The following TRAPPC9 variants were observed in gnomAD, a reference collection of about 807,000 sequenced individuals.
TRAPPC9 encodes the protein IKK2 binding protein.
TRAPPC9 carries 83 observed loss-of-function variants against 124.0 expected under a neutral mutation model. The ratio of observed to expected loss-of-function variants is 0.67; its 90% CI spans 0.56 to 0.80. TRAPPC9 has a LOEUF of 0.80. Ranked by LOEUF, TRAPPC9 falls within the 30% of genes least tolerant of loss-of-function variation. The pLI is 0.00. For synonymous variants in TRAPPC9, 638 were observed against 617.5 expected, an observed-to-expected ratio of 1.03 and a Z score of -0.49; for missense variants, 1,302 against 1,508.3, an observed-to-expected ratio of 0.86 and a Z score of 2.27.
At chr8:139,871,789 G>A (rs1220774778) in intron 21 of TRAPPC9, among the ~76,000 whole-genome samples, 2 of 152,172 alleles carry the variant, frequency 1.3e-5, no homozygotes, top group Non-Finnish European at 1.5e-5. Context: ...GTGAATGGAC[G>A]AATATGTGGG....
intron 21 of TRAPPC9, among the ~76,000 whole-genome samples, chr8:139,885,389 C>T (rs1829936608): frequency 1.3e-5 from 2 of 152,162 alleles, no homozygotes; most frequent in South Asian, 4.1e-4. Flanking sequence ...AAACAATTTT[C>T]CACACAGACA....
chr8:140,264,467 T>C (rs1323207054), intron 15 of TRAPPC9, among the ~76,000 whole-genome samples: 1 of 151,952 alleles, frequency 6.6e-6, no homozygotes, highest in African/African-American at 2.4e-5. Context: ...AATGAAAGTA[T>C]ACCTTTATTC....
rs1317758895 is a variant in TRAPPC9, at chr8:140,451,118, A to G, written c.256T>C (p.Cys86Arg). ...KVVGLITITD[C>R]FSAKDWPQTF... is the part of the protein sequence containing the mutation. ...TGTGGCCAGTCCTTGGCCGAGAAGC[A>G]GTCTGTGATGGTGATGAGGCCCACG... Residue 86 changes from cysteine (C) to arginine (R), a missense_variant, in exon 2 of 23, where the codon TGC becomes CGC. By Grantham distance (180) the Cys-to-Arg change is radical (BLOSUM62 -3). Around this residue, in one of 3 missense-constraint regions of TRAPPC9, gnomAD observed 657 missense variants for 811.2 expected, o/e 0.81. Transcript: ENST00000438773. 6.2e-7 allele frequency: 1 copy of G among 1,614,022 alleles called. No homozygotes were observed. Among genetic ancestry groups the G allele is most frequent in the Non-Finnish European group, 8.5e-7 (1 of 1,179,982 alleles).
chr8:140,336,082 C>T (rs2067030416), intron 9 of TRAPPC9, among the ~76,000 whole-genome samples: 1 of 151,620 alleles, frequency 6.6e-6, no homozygotes, highest in South Asian at 2.1e-4. Context: ...TTTTTTTTCA[C>T]AACTCAAATT....
chr8:140,282,184 C>T (rs1304145001), intron 14 of TRAPPC9, among the ~76,000 whole-genome samples: 1 of 152,090 alleles, frequency 6.6e-6, no homozygotes, highest in African/African-American at 2.4e-5. Context: ...AAAGGATATC[C>T]ATTAAGTGTT....
chr8:140,226,281 T>C (rs2063449083), intron 16 of TRAPPC9, among the ~76,000 whole-genome samples: 1 of 152,176 alleles, frequency 6.6e-6, no homozygotes, highest in Admixed American at 6.5e-5. Flanking sequence ...TTTGTCTTCC[T>C]CTGAATCACG....
At chr8:140,351,893 T>C (rs146555956) in intron 9 of TRAPPC9, among the ~76,000 whole-genome samples, 6 of 152,288 alleles carry the variant, frequency 3.9e-5, no homozygotes, top group Non-Finnish European at 7.4e-5. Flanking sequence ...ATAATTCACA[T>C]AGCAGTTGGC....
intron 16 of TRAPPC9, among the ~76,000 whole-genome samples, chr8:140,240,063 A>G (rs1038524626): frequency 6.6e-6 from 1 of 152,212 alleles, no homozygotes; most frequent in African/African-American, 2.4e-5. Context: ...CCTGACCACA[A>G]TGATAAGTGG....
intron 7 of TRAPPC9, among the ~76,000 whole-genome samples, chr8:140,376,553 TAAAA>T (rs34319639): frequency 2.0e-5 from 1 of 49,720 alleles, no homozygotes; most frequent in East Asian, 5.8e-4. Context: ...AGACTCCATC[TAAAA>T]AAAAAAAAAA....
At chr8:140,306,491 T>C (rs1269437778) in intron 10 of TRAPPC9, among the ~76,000 whole-genome samples, 1 of 45,988 alleles carries the variant, frequency 2.2e-5, no homozygotes, top group African/African-American at 1.3e-4. Flanking sequence ...AGACTCTGTC[T>C]CAAAAAAAAA....
At chr8:140,206,665 C>T (rs1472375537) in intron 17 of TRAPPC9, among the ~76,000 whole-genome samples, 1 of 151,990 alleles carries the variant, frequency 6.6e-6, no homozygotes, top group Non-Finnish European at 1.5e-5. Context: ...GTGGTCTCAC[C>T]TTACATGCTC....
At chr8:139,779,796 T>A (rs1821669122) in intron 21 of TRAPPC9, among the ~76,000 whole-genome samples, 1 of 152,030 alleles carries the variant, frequency 6.6e-6, no homozygotes, top group Non-Finnish European at 1.5e-5. Flanking sequence ...AAAAAAACCC[T>A]CCTGGAGTGA....
At chr8:139,923,442 G>A (rs370831329) in intron 19 of TRAPPC9, among the ~76,000 whole-genome samples, 8 of 152,230 alleles carry the variant, frequency 5.3e-5, no homozygotes, top group Non-Finnish European at 1.0e-4. Context: ...GGCATTGCTC[G>A]CATTGGTGTC....
intron 21 of TRAPPC9, among the ~76,000 whole-genome samples, chr8:139,755,755 G>C: frequency 7.3e-6 from 1 of 137,884 alleles, no homozygotes; most frequent in Non-Finnish European, 1.5e-5. Flanking sequence ...GCAGGTCGCA[G>C]GGGGAGCCAG....
chr8:140,141,195 G>A (rs538825096), intron 17 of TRAPPC9, among the ~76,000 whole-genome samples: 15 of 152,168 alleles, frequency 9.9e-5, no homozygotes, highest in Non-Finnish European at 2.1e-4. Context: ...CATGGTTTCA[G>A]CTGCCCGTGG....
chr8:139,815,825 G>C (rs1393317237), intron 21 of TRAPPC9, among the ~76,000 whole-genome samples: 2 of 152,246 alleles, frequency 1.3e-5, no homozygotes, highest in African/African-American at 4.8e-5. Flanking sequence ...CACACACAGA[G>C]GGCAAGGAGG....
rs889429657 is a variant in TRAPPC9 at position 140,063,760 on chromosome 8, C to T, written c.2557-39681G>A. 3.3e-5 allele frequency among the ~76,000 whole-genome samples: 5 copies of T among 152,126 alleles called. No homozygotes were observed. The highest frequency in any genetic ancestry group is 3.2e-3 in the Middle Eastern group (1 of 316). ...TGTGTTTCCTTAAGAGCGGGACTTG[C>T]GGGCGGGGTATGCATCAAATTTCTC... On this transcript the variant is annotated intron_variant, in intron 17 of 22. Coordinates refer to ENST00000438773, the MANE Select transcript of TRAPPC9 (RefSeq NM_001160372.4). This position sits in a 1 kb window ranked among gnomAD's most constrained non-coding sequence, Gnocchi z 4.3.
At chr8:140,399,334 C>G (rs961457727) in intron 6 of TRAPPC9, among the ~76,000 whole-genome samples, 1 of 152,342 alleles carries the variant, frequency 6.6e-6, no homozygotes, top group East Asian at 1.9e-4. Flanking sequence ...ATGGCAGATC[C>G]ACTGACAGCT....
chr8:140,157,663 T>C (rs1249180960), intron 17 of TRAPPC9, among the ~76,000 whole-genome samples: 3 of 152,350 alleles, frequency 2.0e-5, no homozygotes, highest in East Asian at 1.9e-4. Flanking sequence ...TCATACATTT[T>C]CTTTTTCACT....
Sources: gnomAD v4.1 joint callset for allele counts (sites outside exome capture counted in the v4.1 genomes callset) on GRCh38, gnomAD v4.1.1 for gene constraint, gnomAD v4.1.1 regional missense constraint, Gnocchi (gnomAD v3.1) non-coding constraint, MANE v1.5 for transcripts, NCBI Gene and HGNC (gene_info 2026-07-23, HGNC 2026-07-21) for gene names.